OSBPL7: variants seen among roughly 807,000 people sequenced by gnomAD.
OSBPL7 encodes oxysterol-binding protein-related protein 7.
In OSBPL7, 66 loss-of-function variants were observed where a neutral mutation model predicts 115.8. The ratio of observed to expected loss-of-function variants is 0.57; its 90% confidence interval spans 0.47 to 0.70. The LOEUF (loss-of-function observed/expected upper bound fraction) is 0.70. Among genes scored for constraint, OSBPL7 ranks in the 30% least tolerant of loss-of-function variants. The pLI is 0.00. For synonymous variants in OSBPL7, 441 were observed against 439.2 expected (o/e 1.00, Z -0.05); for missense variants, 902 against 1,125.5 (o/e 0.80, Z 2.84).
intron 14 of OSBPL7, 148 bp downstream of exon 14, chr17:47,814,373 G>A (rs563101608): frequency 2.5e-4 from 175 of 707,210 alleles, no homozygotes; most frequent in Non-Finnish European, 3.8e-4. Flanking sequence ...TTCATGACCT[G>A]GCCTTCCTTA....
In OSBPL7 at chr17:47,816,459, G is replaced by A. The variant is rs1441021096; in HGVS notation, c.952C>T (p.Leu318=). The change falls in exon 11 of 23, where the codon CTG becomes TTG. Residue 318 remains leucine, a synonymous_variant. Coordinates refer to ENST00000007414, the MANE Select transcript of OSBPL7 (RefSeq NM_145798.3). The surrounding 1 kb of genome is among the most constrained non-coding windows in gnomAD (Gnocchi z 5.8). ...TCCCGTTCCATGGTGAGGGCGGCCA[G>A]GACGCTGCTGAGGGAGCTGTGCACT... ...QKVHSSLSSV[L]AALTMERDQL... is the part of the protein sequence containing the mutation. 6.5e-7 allele frequency: 1 copy of A among 1,545,956 alleles called. No homozygotes were observed. The highest frequency in any genetic ancestry group is 8.7e-7 in the Non-Finnish European group (1 of 1,144,184).
intron 13 of OSBPL7, 48 bp from the exon 14 acceptor site, chr17:47,814,662 C>G: frequency 2.6e-6 from 4 of 1,561,336 alleles, no homozygotes; most frequent in Non-Finnish European, 3.5e-6. Flanking sequence ...CTCCCCCGGG[C>G]AGCTGGGCAG....
At chr17:47,810,749 C>T (rs762543930) in intron 17 of OSBPL7, 23 bp downstream of exon 17, 39 of 1,613,520 alleles carry the variant, frequency 2.4e-5, no homozygotes, top group South Asian at 5.5e-5. Context: ...AGGGCCACCC[C>T]GGCCCTGCCC....
At chr17:47,809,911 C>CTTTTT (rs1159738939) in intron 18 of OSBPL7, among the ~76,000 whole-genome samples, 33 of 46,674 alleles carry the variant, frequency 7.1e-4, no homozygotes, top group Non-Finnish European at 1.1e-3. Flanking sequence ...CTTTTCTTTT[C>CTTTTT]TTTTTTTTTT....
chr17:47,820,067 C>T lies in OSBPL7; in HGVS notation c.105G>A (p.Glu35=), dbSNP rs2033350119. 6.2e-7 allele frequency: 1 copy of T among 1,612,700 alleles called. No individual in the cohort carries two copies. Among genetic ancestry groups the T allele is most frequent in the Admixed American group, 1.7e-5 (1 of 60,004 alleles). The change falls in exon 3 of 23, where the codon GAG becomes GAA. Residue 35 remains glutamate (E), a synonymous_variant. Transcript: ENST00000007414. ...CCTCTGTCCCCAGCCTGACCCGAGG[C>T]TCCTCCACCACCTCCCACAGCTCAG... is the stretch of plus-strand genomic sequence containing the variant. ...QASELWEVVE[E]PRVRLGTEGV... is the part of the protein sequence containing the mutation.
intron 2 of OSBPL7, 43 bp from the exon 3 acceptor site, chr17:47,820,139 C>T (rs368432469): frequency 1.6e-4 from 265 of 1,613,288 alleles, no homozygotes; most frequent in East Asian, 3.3e-4. Context: ...GTGAGACGTC[C>T]GCCTTGGCCC....
At position 47,813,353 on chromosome 17, in the gene OSBPL7, T is replaced by C; in HGVS notation, c.1650A>G (p.Arg550=). The change falls in exon 16 of 23, where the codon CGA becomes CGG. Residue 550 remains arginine, a synonymous_variant. Coordinates refer to ENST00000007414, the MANE Select transcript of OSBPL7 (RefSeq NM_145798.3). ...CAGGGTTGAAGGGCTTGCAGCCGGC[T>C]CGGTGGTATGTGGAGGAGTAGGCCG... ...AVSAYSSTYH[R]AGCKPFNPVL... is the part of the protein sequence containing the mutation. The C allele has an allele frequency of 6.2e-7, 1 of 1,614,004 alleles. No homozygotes were observed. Among genetic ancestry groups the C allele is most frequent in the Non-Finnish European group, 8.5e-7 (1 of 1,180,032 alleles).
chr17:47,819,920 T>G (rs763244618), intron 3 of OSBPL7, 51 bp downstream of exon 3: 741 of 641,248 alleles, frequency 1.2e-3, no homozygotes, highest in East Asian at 2.3e-3. Context: ...CTGCCCCCCA[T>G]TCCCACCCCG....
Position 47,813,432 on chromosome 17 carries a change from C to A in OSBPL7, c.1600-29G>T, listed in dbSNP as rs2033107371. On this transcript the variant is annotated intron_variant, in intron 15 of 22. Transcript: ENST00000007414. ...TGGGGGGCAAGGAAGGTGCAGGGTA[C>A]TGAGGACGGGGCCGCCACCCCAAGC... 3.1e-6 allele frequency: 5 copies of A among 1,612,964 alleles called. No homozygotes were observed. In the African/African-American group the frequency reaches 5.3e-5, roughly 17 times the overall value.
chr17:47,813,378 G>A lies in OSBPL7; in HGVS notation c.1625C>T (p.Ser542Leu), dbSNP rs149344638. The A allele has an allele frequency of 3.1e-6, 5 of 1,613,868 alleles. No individual in the cohort carries two copies. Among genetic ancestry groups the A allele is most frequent in the East Asian group, 2.2e-5 (1 of 44,888 alleles). ...TCGGTGGTATGTGGAGGAGTAGGCC[G>A]AGACAGCAAAGGCTGCGATGTACAC... ...RMVYIAAFAV[S>L]AYSSTYHRAG... The change falls in exon 16 of 23, where the codon TCG becomes TTG. Residue 542 changes from serine (S) to leucine (L), a missense_variant. Ser to Leu is a moderately radical substitution (Grantham distance 145). This residue lies in a region of OSBPL7 where 667 missense variants were observed against 788.7 expected (regional missense o/e 0.85). Transcript: ENST00000007414.
Position 47,814,973 on chromosome 17 carries a change from T to TA in OSBPL7, c.1257+241dup. ...ATAGGAAGATGACCGGGGTTGCAAC[T>TA]ATGGCAGTAGTTTCAGGAGAACCCA... is the stretch of plus-strand genomic sequence containing the variant. On this transcript the variant is annotated intron_variant, in intron 13 of 22. Coordinates refer to ENST00000007414, the MANE Select transcript of OSBPL7 (RefSeq NM_145798.3). The TA allele has an allele frequency of 5.2e-6, 3 of 580,034 alleles. No homozygotes were observed. The South Asian group carries it at 7.2e-5, about 14-fold the overall frequency. The allele number at this position is 580,034 out of a possible 1,614,324, so 35.9% of individuals were successfully genotyped here.
intron 16 of OSBPL7, among the ~76,000 whole-genome samples, chr17:47,812,637 C>T (rs115170419): frequency 2.8e-3 from 427 of 152,336 alleles, no homozygotes; most frequent in African/African-American, 1.0e-2. Context: ...AGCCCCTGTC[C>T]GGGGCAGCAC....
At chr17:47,813,492 C>T in intron 15 of OSBPL7, 89 bp from the exon 16 acceptor site, 1 of 1,595,198 alleles carries the variant, frequency 6.3e-7, no homozygotes, top group Non-Finnish European at 8.6e-7. Context: ...GGAACTTCAG[C>T]AATAAGGAAC....
At chr17:47,819,643 C>A in intron 4 of OSBPL7, 86 bp downstream of exon 4, 1 of 1,519,110 alleles carries the variant, frequency 6.6e-7, no homozygotes, top group South Asian at 1.1e-5. Flanking sequence ...AGACCCTGCT[C>A]TGGTCGATTC....
rs528805549 is a variant in OSBPL7, at chr17:47,816,722, G to C, written c.796-27C>G. ...TGTAGGTGAAGGGGAAGGGCTGAAG[G>C]GGCCGGCCTCCTTAGAGCATCCTGC... On this transcript the variant is annotated intron_variant, in intron 9 of 22. Transcript: ENST00000007414. This position sits in a 1 kb window ranked among gnomAD's most constrained non-coding sequence, Gnocchi z 5.8. The C allele has an allele frequency of 6.8e-6, 11 of 1,614,008 alleles. No individual in the cohort carries two copies. In the South Asian group the frequency reaches 9.9e-5, roughly 14 times the overall value.
rs778168152 is a variant in OSBPL7 at position 47,820,297 on chromosome 17, T to C, written c.-19A>G. The C allele has an allele frequency of 1.2e-6, 2 of 1,611,224 alleles. No individual in the cohort carries two copies. Among genetic ancestry groups the C allele is most frequent in the Admixed American group, 3.3e-5 (2 of 59,798 alleles). On this transcript the variant is annotated 5_prime_UTR_variant, in exon 2 of 23. Coordinates refer to ENST00000007414, the MANE Select transcript of OSBPL7 (RefSeq NM_145798.3). ...AGTCCATGGAGAAGGGAGAGGCCACTCCCTGCTGGGGATGTAGAGCAGGGA... is the reference window on the plus strand; with the variant it reads ...AGTCCATGGAGAAGGGAGAGGCCACCCCCTGCTGGGGATGTAGAGCAGGGA...
chr17:47,815,188 T>G, intron 13 of OSBPL7, 27 bp downstream of exon 13: 1 of 1,591,642 alleles, frequency 6.3e-7, no homozygotes. Flanking sequence ...CTACCCCGCC[T>G]CACTGCCAGC....
chr17:47,811,367 C>G (rs1302644777), intron 16 of OSBPL7, among the ~76,000 whole-genome samples: 1 of 152,178 alleles, frequency 6.6e-6, no homozygotes, highest in Non-Finnish European at 1.5e-5. Flanking sequence ...GCCCACAGCT[C>G]CAGCCAAGAT....
In OSBPL7 at chr17:47,808,264, C is replaced by A. The variant is rs1213339327; in HGVS notation, c.*27G>T. 8.4e-6 allele frequency: 13 copies of A among 1,547,184 alleles called. No individual in the cohort carries two copies. The highest frequency in any genetic ancestry group is 1.2e-5 in the Non-Finnish European group (13 of 1,122,066). On this transcript the variant is annotated 3_prime_UTR_variant, in exon 23 of 23. Coordinates refer to ENST00000007414, the MANE Select transcript of OSBPL7 (RefSeq NM_145798.3). This position sits in a 1 kb window ranked among gnomAD's most constrained non-coding sequence, Gnocchi z 6.1. ...GGTGGAGGCAGGAGGAGTGAGGAAC[C>A]AGAGCCTCCTGCCCCCGGGGCCAGG...
Sources: gnomAD v4.1 joint callset for allele counts (sites outside exome capture counted in the v4.1 genomes callset) on GRCh38, gnomAD v4.1.1 for gene constraint, gnomAD v4.1.1 regional missense constraint, Gnocchi (gnomAD v3.1) non-coding constraint, MANE v1.5 for transcripts, NCBI Gene and HGNC (gene_info 2026-07-23, HGNC 2026-07-21) for gene names.